The following COMMD2 variants were observed in gnomAD, a reference collection of about 807,000 sequenced individuals.
COMMD2 encodes COMM domain-containing protein 2.
A neutral mutation model predicts 22.5 loss-of-function variants in COMMD2; 25 were observed. The observed-to-expected ratio is 1.11, with a 90% CI of 0.81 to 1.55. The LOEUF (loss-of-function observed/expected upper bound fraction) is 1.55, where lower values mean the gene tolerates loss of function less well. Ranked by LOEUF, COMMD2 falls within the 40% of genes most tolerant of loss-of-function variation. The pLI is 0.00. For synonymous variants in COMMD2, 98 were observed against 91.2 expected (o/e 1.07, Z -0.42); for missense variants, 223 against 232.9 (o/e 0.96, Z 0.28).
intron 4 of COMMD2, among the ~76,000 whole-genome samples, chr3:149,745,217 G>A (rs1716336854): frequency 6.6e-6 from 1 of 152,190 alleles, no homozygotes; most frequent in African/African-American, 2.4e-5. Context: ...AAGACTTGCT[G>A]CTTATGATGT....
chr3:149,750,851 T>C lies in COMMD2; in HGVS notation c.229A>G (p.Ile77Val), dbSNP rs1716509511. ...GAGTCTTGGAAATCCAGTTCAGAAA[T>C]CTAAGTGAATTGAGTTTAAAAGAAC... ...YLLTESSKLM[I>V]SELDFQDSVF... The change falls in exon 4 of 5, where the codon ATT becomes GTT. Residue 77 changes from isoleucine to valine, a missense_variant and splice_region_variant. By Grantham distance (29) the Ile-to-Val change is conservative. Coordinates refer to ENST00000473414, the MANE Select transcript of COMMD2 (RefSeq NM_016094.4). 2 of 1,552,214 alleles carry C rather than the reference T, an allele frequency of 1.3e-6. No individual in the cohort carries two copies. Among genetic ancestry groups the C allele is most frequent in the Non-Finnish European group, 8.7e-7 (1 of 1,144,066 alleles).
At chr3:149,751,540 G>T in intron 2 of COMMD2, 55 bp from the exon 3 acceptor site, 1 of 1,350,692 alleles carries the variant, frequency 7.4e-7, no homozygotes, top group Non-Finnish European at 1.0e-6. Flanking sequence ...TATTTATCTT[G>T]TTCATATTTG....
rs773872192 is a variant in COMMD2, at chr3:149,748,424, G to A, written c.402+2254C>T. On this transcript the variant is annotated intron_variant, in intron 4 of 4. Transcript: ENST00000473414. ...CATGCATGGTCCCTGCTATCCCAGTGTTTACAGTTTAGTAAAACAAAAAAC... is the reference window on the plus strand; with the variant it reads ...CATGCATGGTCCCTGCTATCCCAGTATTTACAGTTTAGTAAAACAAAAAAC... Among the ~76,000 whole-genome samples, 3 of 152,282 alleles carry A rather than the reference G, an allele frequency of 2.0e-5. No homozygotes were observed. The South Asian group carries it at 6.2e-4, about 32-fold the overall frequency.
intron 4 of COMMD2, among the ~76,000 whole-genome samples, chr3:149,747,309 G>A (rs1716401126): frequency 6.6e-6 from 1 of 152,210 alleles, no homozygotes; most frequent in South Asian, 2.1e-4. Context: ...TGTAAGTGGA[G>A]AAGTTATGAA....
chr3:149,739,756 G>A lies in COMMD2; in HGVS notation c.*1765C>T, dbSNP rs551821087. 6.6e-6 allele frequency: 1 copy of A among 152,164 alleles called. No individual in the cohort carries two copies. The highest frequency in any genetic ancestry group is 1.5e-5 in the Non-Finnish European group (1 of 68,028). The allele number at this position is 152,164 out of a possible 1,614,324, so 9.4% of individuals were successfully genotyped here. On this transcript the variant is annotated 3_prime_UTR_variant, in exon 5 of 5. Coordinates refer to ENST00000473414, the MANE Select transcript of COMMD2 (RefSeq NM_016094.4). ...AATAAAGTTTCTTTTTGTTTGTGAG[G>A]TTGTATATGAGAGCTTCATTAATCA...
At position 149,752,404 on chromosome 3, in the gene COMMD2, G is replaced by A; in HGVS notation, c.41C>T (p.Ala14Val). Residue 14 changes from alanine (A) to valine (V), a missense_variant, in exon 1 of 5, where the codon GCC (alanine) becomes GTC (valine). Physicochemically the swap from Ala to Val is moderately conservative, Grantham distance 64 (BLOSUM62 0). Transcript: ENST00000473414. ...CGCGCTGTCCACTTGAGGCAGGAAG[G>A]CCAGGTGTTCCTTATGCTCCTCGGA... ...ELSEEHKEHLAFLPQVDSAVV... is the reference protein window; with the variant it reads ...ELSEEHKEHLVFLPQVDSAVV... The A allele has an allele frequency of 6.2e-7, 1 of 1,614,152 alleles. No individual in the cohort carries two copies. The highest frequency in any genetic ancestry group is 8.5e-7 in the Non-Finnish European group (1 of 1,180,006).
intron 2 of COMMD2, 88 bp from the exon 3 acceptor site, chr3:149,751,573 AT>A (rs1294364988): frequency 8.5e-6 from 10 of 1,180,270 alleles, no homozygotes; most frequent in Non-Finnish European, 1.2e-5. Context: ...AACACTATTC[AT>A]TATTACATGT....
chr3:149,746,350 C>T (rs1272322829), intron 4 of COMMD2, among the ~76,000 whole-genome samples: 1 of 151,974 alleles, frequency 6.6e-6, no homozygotes, highest in Non-Finnish European at 1.5e-5. Context: ...AATACTTGGC[C>T]TGTGTGATTC....
intron 4 of COMMD2, among the ~76,000 whole-genome samples, chr3:149,747,752 C>T (rs967082590): frequency 8.6e-5 from 13 of 151,920 alleles, no homozygotes; most frequent in Admixed American, 2.0e-4. Context: ...GCCTGGCCAA[C>T]GTGGTGAAAC....
rs1222735801 is a variant in COMMD2, at chr3:149,739,370, G to A, written c.*2151C>T. Reference sequence around the variant, plus strand: ...GGCTTGTACTAAAAGATAAGCCCCAGATTCTAAAAGAAGGTAGGCAAACTG... The same window carrying A: ...GGCTTGTACTAAAAGATAAGCCCCAAATTCTAAAAGAAGGTAGGCAAACTG... On this transcript the variant is annotated 3_prime_UTR_variant, in exon 5 of 5. Transcript: ENST00000473414. The A allele has an allele frequency of 1.3e-5, 2 of 152,230 alleles. No individual in the cohort carries two copies. The highest frequency in any genetic ancestry group is 1.3e-4 in the Admixed American group (2 of 15,276). The allele number at this position is 152,230 out of a possible 1,614,324, so 9.4% of individuals were successfully genotyped here.
rs1716128833 is a variant in COMMD2 at position 149,738,809 on chromosome 3, T to G, written c.*2712A>C. ...ATACCCTTCATGATTTTTCAAACCATGTCAGATTCTCATTTTTCAATTCTC... is the reference window on the plus strand; with the variant it reads ...ATACCCTTCATGATTTTTCAAACCAGGTCAGATTCTCATTTTTCAATTCTC... On this transcript the variant is annotated 3_prime_UTR_variant, in exon 5 of 5. Transcript: ENST00000473414. 1 of 152,132 alleles carries G rather than the reference T, an allele frequency of 6.6e-6. No homozygotes were observed. The highest frequency in any genetic ancestry group is 2.1e-4 in the South Asian group (1 of 4,828). The allele number at this position is 152,132 out of a possible 1,614,324, so 9.4% of individuals were successfully genotyped here.
intron 4 of COMMD2, among the ~76,000 whole-genome samples, chr3:149,749,975 T>C (rs1384716428): frequency 6.6e-6 from 1 of 152,242 alleles, no homozygotes; most frequent in Non-Finnish European, 1.5e-5. Flanking sequence ...CTTACACTTC[T>C]TTTGTGTCTC....
At chr3:149,748,651 C>T (rs1331615592) in intron 4 of COMMD2, among the ~76,000 whole-genome samples, 3 of 152,236 alleles carry the variant, frequency 2.0e-5, no homozygotes, top group African/African-American at 4.8e-5. Context: ...TTAGGCTTTA[C>T]AGACCATACA....
intron 3 of COMMD2, 178 bp downstream of exon 3, chr3:149,751,225 G>A: frequency 2.3e-6 from 2 of 863,682 alleles, no homozygotes; most frequent in Non-Finnish European, 3.5e-6. Flanking sequence ...CTAGCAAGAG[G>A]TATTCATATC....
chr3:149,747,470 G>A (rs1716408303), intron 4 of COMMD2, among the ~76,000 whole-genome samples: 1 of 152,194 alleles, frequency 6.6e-6, no homozygotes. Context: ...ATTCCAAGTA[G>A]GAAGGCGTGA....
chr3:149,749,099 C>T (rs1230778373), intron 4 of COMMD2, among the ~76,000 whole-genome samples: 3 of 151,940 alleles, frequency 2.0e-5, no homozygotes, highest in Non-Finnish European at 2.9e-5. Flanking sequence ...ACTGCAACCT[C>T]GACCTCCCGG....
intron 4 of COMMD2, among the ~76,000 whole-genome samples, chr3:149,744,977 T>C (rs1052149825): frequency 1.3e-5 from 2 of 152,184 alleles, no homozygotes; most frequent in Non-Finnish European, 2.9e-5. Flanking sequence ...TTCAAAAATG[T>C]CTTCATAATG....
chr3:149,752,400 G>A lies in COMMD2; in HGVS notation c.45C>T (p.Phe15=). Residue 15 remains phenylalanine, a synonymous_variant, in exon 1 of 5, where the codon TTC becomes TTT. Transcript: ENST00000473414. ...LSEEHKEHLA[F]LPQVDSAVVA... The stretch of plus-strand genomic sequence containing the variant: ...GACCCGCGCTGTCCACTTGAGGCAG[G>A]AAGGCCAGGTGTTCCTTATGCTCCT... 1 of 1,614,160 alleles carries A rather than the reference G, an allele frequency of 6.2e-7. No homozygotes were observed. The highest frequency in any genetic ancestry group is 2.2e-5 in the East Asian group (1 of 44,872).
At chr3:149,750,616 C>G in intron 4 of COMMD2, 62 bp downstream of exon 4, 8 of 1,228,964 alleles carry the variant, frequency 6.5e-6, no homozygotes, top group Non-Finnish European at 9.0e-6. Context: ...ATACAATAAA[C>G]AGGACACAAA....
Sources: allele counts gnomAD v4.1 joint callset (sites outside exome capture counted in the v4.1 genomes callset), GRCh38; gene constraint gnomAD v4.1.1; transcripts MANE v1.5; gene names NCBI Gene and HGNC (gene_info 2026-07-23, HGNC 2026-07-21).